The following KCNN3 variants were observed in gnomAD, a reference collection of about 807,000 sequenced individuals.
The protein encoded by KCNN3 is potassium calcium-activated channel subfamily N member 3.
KCNN3 carries 16 observed loss-of-function variants against 62.9 expected under a neutral mutation model. The ratio of observed to expected loss-of-function variants is 0.25; its 90% CI spans 0.17 to 0.39. The LOEUF (loss-of-function observed/expected upper bound fraction) is 0.39. Among genes scored for constraint, KCNN3 ranks in the 10% least tolerant of loss-of-function variants. The pLI is 1.00. For synonymous variants in KCNN3, 370 were observed against 389.2 expected, an observed-to-expected ratio of 0.95 and a Z score of 0.58; for missense variants, 599 against 949.4, an observed-to-expected ratio of 0.63 and a Z score of 4.85.
chr1:154,714,138 G>T (rs1319810149), intron 6 of KCNN3, among the ~76,000 whole-genome samples: 1 of 138,898 alleles, frequency 7.2e-6, no homozygotes, highest in African/African-American at 2.7e-5. Flanking sequence ...TGTGTGTGTG[G>T]TGTTTGTGTG....
intron 2 of KCNN3, among the ~76,000 whole-genome samples, chr1:154,795,184 G>A (rs1043985487): frequency 2.6e-5 from 4 of 152,226 alleles, no homozygotes; most frequent in Non-Finnish European, 5.9e-5. Flanking sequence ...AGCCCCTGTG[G>A]TCTGTGACAC....
chr1:154,760,411 C>T (rs1215426071), intron 3 of KCNN3, among the ~76,000 whole-genome samples: 1 of 150,892 alleles, frequency 6.6e-6, no homozygotes, highest in African/African-American at 2.4e-5. Context: ...CTGTGAATCA[C>T]GCAGGTGAAA....
intron 2 of KCNN3, among the ~76,000 whole-genome samples, chr1:154,773,188 G>A (rs944649235): frequency 6.6e-6 from 1 of 152,036 alleles, no homozygotes; most frequent in African/African-American, 2.4e-5. Context: ...AGTGTCTGTC[G>A]TTCCCCTCTT....
intron 7 of KCNN3, 85 bp from the exon 8 acceptor site, chr1:154,708,357 A>G (rs1700004985): frequency 2.2e-6 from 3 of 1,348,648 alleles, no homozygotes; most frequent in Non-Finnish European, 3.2e-6. Flanking sequence ...AACGCCCTCC[A>G]CAGTATGACA....
rs1700739590 is a variant in KCNN3, at chr1:154,737,636, AAAT to A, written c.1449-4495_1449-4493del. The stretch of plus-strand genomic sequence containing the variant: ...TCCTATAATTAACGTAAGAGAGAGA[AAAT>A]AAGATACTGGACCCACGAGACAAGA... On this transcript the variant is annotated intron_variant, in intron 3 of 7. Transcript: ENST00000271915. 2.0e-5 allele frequency among the ~76,000 whole-genome samples: 3 copies of A among 152,376 alleles called. No homozygotes were observed. In the South Asian group the frequency reaches 6.2e-4, roughly 32 times the overall value.
In KCNN3 at chr1:154,707,396, G is replaced by A. The variant is rs1448559098; in HGVS notation, c.*580C>T. On this transcript the variant is annotated 3_prime_UTR_variant, in exon 8 of 8. Transcript: ENST00000271915. ...GTTTATGTGGGTATTAATATCGAGT[G>A]GAAAATCTGGCTTTTTATTTGTCTG... 6.6e-6 allele frequency: 1 copy of A among 151,108 alleles called. No homozygotes were observed. Among genetic ancestry groups the A allele is most frequent in the East Asian group, 2.0e-4 (1 of 5,106 alleles). The allele number at this position is 151,108 out of a possible 1,614,324, so 9.4% of individuals were successfully genotyped here. A position where few individuals can be genotyped will look rare whatever the true frequency, so the allele number is the denominator to read the frequency against.
intron 1 of KCNN3, among the ~76,000 whole-genome samples, chr1:154,828,496 G>A (rs969505417): frequency 1.3e-5 from 2 of 152,154 alleles, no homozygotes; most frequent in Non-Finnish European, 2.9e-5. Context: ...GGGGGCTAAC[G>A]AAGATGTTCC....
chr1:154,846,443 G>A (rs1355997720), intron 1 of KCNN3, among the ~76,000 whole-genome samples: 1 of 152,238 alleles, frequency 6.6e-6, no homozygotes, highest in Non-Finnish European at 1.5e-5. Flanking sequence ...CTGAGGGGGA[G>A]CCAGGAGCGT....
intron 3 of KCNN3, among the ~76,000 whole-genome samples, chr1:154,740,231 G>T (rs1445929262): frequency 6.6e-6 from 1 of 152,220 alleles, no homozygotes; most frequent in East Asian, 1.9e-4. Context: ...ATAGCTTACG[G>T]GTTTTTCCTC....
chr1:154,804,149 C>T (rs1315519927), intron 2 of KCNN3, among the ~76,000 whole-genome samples: 1 of 152,204 alleles, frequency 6.6e-6, no homozygotes, highest in Non-Finnish European at 1.5e-5. Flanking sequence ...TGGCTGTTTT[C>T]TTGGAGAAAG....
At chr1:154,726,936 G>C (rs1054357436) in intron 4 of KCNN3, among the ~76,000 whole-genome samples, 1 of 152,166 alleles carries the variant, frequency 6.6e-6, no homozygotes, top group African/African-American at 2.4e-5. Flanking sequence ...TAATCCTCTG[G>C]GTGCATACTT....
rs61811437 is a variant in KCNN3 at position 154,746,438 on chromosome 1, G to C, written c.1449-13294C>G. ...TCTGAGCATCTTCTCAAAGTTGCCA[G>C]TGCTGGGGTTTAATAAGCAGAACCC... On this transcript the variant is annotated intron_variant, in intron 3 of 7. Coordinates refer to ENST00000271915, the MANE Select transcript of KCNN3 (RefSeq NM_002249.6). 1.7e-3 allele frequency among the ~76,000 whole-genome samples: 253 copies of C among 152,252 alleles called. 1 individual carries two copies. Among genetic ancestry groups the C allele is most frequent in the Non-Finnish European group, 3.1e-3 (214 of 68,018 alleles).
chr1:154,825,716 A>C (rs1651082583), intron 1 of KCNN3, among the ~76,000 whole-genome samples: 1 of 151,830 alleles, frequency 6.6e-6, no homozygotes, highest in African/African-American at 2.4e-5. Context: ...ACAAATTTTC[A>C]AGTGGTTAAG....
chr1:154,866,576 A>G (rs1652964259), intron 1 of KCNN3, among the ~76,000 whole-genome samples: 1 of 152,226 alleles, frequency 6.6e-6, no homozygotes, highest in African/African-American at 2.4e-5. Context: ...GGCCTGGTAC[A>G]TAGGAGACAC....
intron 4 of KCNN3, among the ~76,000 whole-genome samples, 179 bp downstream of exon 4, chr1:154,732,824 T>C (rs766175968): frequency 6.6e-6 from 1 of 152,186 alleles, no homozygotes; most frequent in Non-Finnish European, 1.5e-5. Flanking sequence ...AACTGAAAAG[T>C]GAGAAACCAT....
At position 154,703,854 on chromosome 1, in the gene KCNN3, T is replaced by C. The variant is rs1005585970; in HGVS notation, c.*4122A>G. On this transcript the variant is annotated 3_prime_UTR_variant, in exon 8 of 8. Transcript: ENST00000271915. Reference sequence around the variant, plus strand: ...GCTGCTGTTGATGACAAAGGTGATTTCATTTGTTCTCTATTGAAAACATTG... The same window carrying C: ...GCTGCTGTTGATGACAAAGGTGATTCCATTTGTTCTCTATTGAAAACATTG... The C allele has an allele frequency of 1.1e-4, 16 of 152,234 alleles. No homozygotes were observed. Among genetic ancestry groups the C allele is most frequent in the Admixed American group, 3.3e-4 (5 of 15,290 alleles). The allele number at this position is 152,234 out of a possible 1,614,324, so 9.4% of individuals were successfully genotyped here.
At chr1:154,728,765 A>T (rs1700527998) in intron 4 of KCNN3, among the ~76,000 whole-genome samples, 1 of 152,096 alleles carries the variant, frequency 6.6e-6, no homozygotes, top group South Asian at 2.1e-4. Context: ...GCAAGGGTCA[A>T]GGGGGGAAAG....
intron 2 of KCNN3, among the ~76,000 whole-genome samples, chr1:154,800,274 G>A (rs900966951): frequency 6.6e-6 from 1 of 152,160 alleles, no homozygotes; most frequent in African/African-American, 2.4e-5. Flanking sequence ...TTGAGAAGGT[G>A]TAAGTTTCTT....
chr1:154,826,070 AAAAC>A (rs369000754), intron 1 of KCNN3, among the ~76,000 whole-genome samples: 5 of 41,082 alleles, frequency 1.2e-4, no homozygotes, highest in South Asian at 2.9e-3. Flanking sequence ...AACAAAAACA[AAAAC>A]AAAAACAAAA....
Sources: gnomAD v4.1 joint callset for allele counts (sites outside exome capture counted in the v4.1 genomes callset) on GRCh38, gnomAD v4.1.1 for gene constraint, MANE v1.5 for transcripts, NCBI Gene and HGNC (gene_info 2026-07-23, HGNC 2026-07-21) for gene names.